The following PTPRK variants were observed in gnomAD, a reference collection of about 807,000 sequenced individuals.
PTPRK encodes protein tyrosine phosphatase receptor type K.
In PTPRK, 75 loss-of-function variants were observed where a neutral mutation model predicts 178.0. The observed-to-expected ratio is 0.42, with a 90% CI of 0.35 to 0.51. The LOEUF (loss-of-function observed/expected upper bound fraction) is 0.51. Among genes scored for constraint, PTPRK ranks in the 20% least tolerant of loss-of-function variants. The pLI, the probability that PTPRK is intolerant of heterozygous loss-of-function variation, is 0.02. For synonymous variants in PTPRK, 637 were observed against 620.6 expected (o/e 1.03, Z -0.39); for missense variants, 1,441 against 1,797.8 (o/e 0.80, Z 3.59).
intron 21 of PTPRK, among the ~76,000 whole-genome samples, chr6:127,986,905 A>G (rs547296194): frequency 6.6e-6 from 1 of 152,278 alleles, no homozygotes; most frequent in South Asian, 2.1e-4. Flanking sequence ...AATTCCTAGC[A>G]CAATACCCTA....
chr6:128,172,505 T>A (rs1800417105), intron 7 of PTPRK, among the ~76,000 whole-genome samples: 1 of 151,908 alleles, frequency 6.6e-6, no homozygotes, highest in Non-Finnish European at 1.5e-5. Flanking sequence ...GGTAATTATT[T>A]TCGCTCATTA....
At chr6:128,211,130 A>G (rs922524444) in intron 6 of PTPRK, among the ~76,000 whole-genome samples, 1 of 152,136 alleles carries the variant, frequency 6.6e-6, no homozygotes, top group African/African-American at 2.4e-5. Context: ...TAATTTCTCT[A>G]AAAACAAGTA....
intron 15 of PTPRK, chr6:128,003,251 C>G: frequency 1.3e-6 from 2 of 1,597,700 alleles, no homozygotes; most frequent in Non-Finnish European, 1.7e-6. Context: ...AAACAAAGCT[C>G]ATGAAGGAAT....
intron 1 of PTPRK, among the ~76,000 whole-genome samples, chr6:128,465,939 G>C (rs950882668): frequency 6.6e-6 from 1 of 152,080 alleles, no homozygotes. Context: ...GTCTCATGGG[G>C]CTTCATTTAT....
At chr6:128,030,050 A>C (rs544952240) in intron 13 of PTPRK, among the ~76,000 whole-genome samples, 1 of 152,280 alleles carries the variant, frequency 6.6e-6, no homozygotes, top group Admixed American at 6.5e-5. Context: ...CTAGAGCATG[A>C]ATTGCCCCAG....
chr6:128,278,123 T>TTTTATTTATTTATTTATTTA (rs201597116), intron 3 of PTPRK, among the ~76,000 whole-genome samples: 2 of 143,658 alleles, frequency 1.4e-5, no homozygotes, highest in Non-Finnish European at 1.5e-5. Context: ...TTTTTGTGTT[T>TTTTATTTATTTATTTATTTA]TTTATTTATT....
intron 15 of PTPRK, among the ~76,000 whole-genome samples, chr6:127,999,321 G>A (rs1442533492): frequency 2.6e-5 from 4 of 151,890 alleles, no homozygotes; most frequent in Non-Finnish European, 5.9e-5. Flanking sequence ...ACCTCCCTCA[G>A]AGATACCCGA....
chr6:128,388,101 T>C (rs1839025257), intron 2 of PTPRK, among the ~76,000 whole-genome samples: 1 of 152,258 alleles, frequency 6.6e-6, no homozygotes, highest in Non-Finnish European at 1.5e-5. Flanking sequence ...AAATGCTTTA[T>C]TTGTGCATTC....
intron 2 of PTPRK, among the ~76,000 whole-genome samples, chr6:128,329,382 A>AACACAC (rs149088868): frequency 0.046 from 6,694 of 145,660 alleles, 361 homozygotes; most frequent in African/African-American, 0.12. Flanking sequence ...TATATAGATA[A>AACACAC]ACACACACAC....
rs768363101 is a variant in PTPRK at position 128,009,267 on chromosome 6, T to C, written c.2196A>G (p.Ala732=). The part of the protein sequence containing the change: ...KTQCVRIATK[A]AATEEPEVIP... ...TCACTTCTGGTTCTTCTGTTGCTGC[T>C]GCTAAATGGATAAAAAAAAAAATCA... The change falls in exon 14 of 30, where the codon GCA becomes GCG. Residue 732 remains alanine (A), a splice_region_variant and synonymous_variant. Coordinates refer to ENST00000368226, the MANE Select transcript of PTPRK (RefSeq NM_002844.4). 6.3e-7 allele frequency: 1 copy of C among 1,595,152 alleles called. No individual in the cohort carries two copies. The highest frequency in any genetic ancestry group is 8.5e-7 in the Non-Finnish European group (1 of 1,171,594).
At chr6:128,105,289 A>G (rs1376322634) in intron 7 of PTPRK, among the ~76,000 whole-genome samples, 1 of 151,986 alleles carries the variant, frequency 6.6e-6, no homozygotes, top group South Asian at 2.1e-4. Flanking sequence ...GCCCGCCACC[A>G]CGCCCTGCTA....
At chr6:128,074,387 T>C (rs113353542) in intron 11 of PTPRK, among the ~76,000 whole-genome samples, 1 of 152,078 alleles carries the variant, frequency 6.6e-6, no homozygotes, top group African/African-American at 2.4e-5. Flanking sequence ...AACACAGCTA[T>C]ATTGGGTCAA....
rs1201517566 is a variant in PTPRK at position 128,170,648 on chromosome 6, T to A, written c.1162+13784A>T. On this transcript the variant is annotated intron_variant, in intron 7 of 29. Transcript: ENST00000368226. ...TCATCTCTTAAATTAACAACTGTTG[T>A]TACCTTTCATTTTTTTCCATAATAG... Among the ~76,000 whole-genome samples the A allele has an allele frequency of 2.6e-5, 4 of 152,170 alleles. No homozygotes were observed. The East Asian group carries it at 7.8e-4, about 30-fold the overall frequency.
At chr6:128,308,462 A>T (rs1014361874) in intron 3 of PTPRK, among the ~76,000 whole-genome samples, 14 of 151,936 alleles carry the variant, frequency 9.2e-5, no homozygotes, top group African/African-American at 2.9e-4. Context: ...AACTGCTTGC[A>T]TTTAGAGGAA....
At chr6:128,192,695 G>C (rs1804019366) in intron 6 of PTPRK, among the ~76,000 whole-genome samples, 1 of 151,642 alleles carries the variant, frequency 6.6e-6, no homozygotes, top group South Asian at 2.1e-4. Flanking sequence ...TGGCAGCTGT[G>C]GTCCCAGCTA....
At chr6:128,148,978 T>G (rs577070825) in intron 7 of PTPRK, among the ~76,000 whole-genome samples, 2 of 152,050 alleles carry the variant, frequency 1.3e-5, no homozygotes, top group African/African-American at 4.8e-5. Context: ...TTTAATTACC[T>G]GTTTCCATGA....
At chr6:128,235,827 T>C (rs1330449120) in intron 5 of PTPRK, among the ~76,000 whole-genome samples, 1 of 152,092 alleles carries the variant, frequency 6.6e-6, no homozygotes, top group Non-Finnish European at 1.5e-5. Flanking sequence ...AGTAGCCTAA[T>C]GCTACATCAC....
At chr6:128,321,290 C>T (rs72969097) in intron 3 of PTPRK, 12,347 of 153,096 alleles carry the variant, frequency 0.081, 569 homozygotes, top group African/African-American at 0.12. Flanking sequence ...GAAATAACAG[C>T]ATCCAGGGAC....
chr6:128,025,492 ACAACTG>A (rs1475745348), intron 13 of PTPRK, among the ~76,000 whole-genome samples: 1 of 152,272 alleles, frequency 6.6e-6, no homozygotes, highest in African/African-American at 2.4e-5. Context: ...TGCTGACTTA[ACAACTG>A]CATCTAAAAG....
Sources: allele counts gnomAD v4.1 joint callset (sites outside exome capture counted in the v4.1 genomes callset), GRCh38; gene constraint gnomAD v4.1.1; transcripts MANE v1.5; gene names NCBI Gene and HGNC (gene_info 2026-07-23, HGNC 2026-07-21).